CAPZB: variants seen among roughly 807,000 people sequenced by gnomAD.
CAPZB encodes the protein capping actin protein of muscle Z-line subunit beta, also known as F-actin-capping protein subunit beta.
Under a neutral mutation model 38.1 loss-of-function variants are expected in CAPZB, and 2 were observed. The ratio of observed to expected loss-of-function variants is 0.05; its 90% confidence interval spans 0.02 to 0.17. CAPZB has a LOEUF of 0.17. CAPZB is among the 10% of genes least tolerant of loss of function. The pLI is 1.00. For synonymous variants in CAPZB, 107 were observed against 127.4 expected, an observed-to-expected ratio of 0.84 and a Z score of 1.08; for missense variants, 161 against 334.2, an observed-to-expected ratio of 0.48 and a Z score of 4.04.
At chr1:19,420,075 C>T (rs2094395535) in intron 1 of CAPZB, 2 of 278,650 alleles carry the variant, frequency 7.2e-6, no homozygotes, top group Non-Finnish European at 1.4e-5. Flanking sequence ...GATGTCGTGC[C>T]CCCCAGTTGG....
intron 1 of CAPZB, among the ~76,000 whole-genome samples, chr1:19,475,677 G>C (rs1378564785): frequency 6.6e-6 from 1 of 152,230 alleles, no homozygotes; most frequent in Non-Finnish European, 1.5e-5. Flanking sequence ...TCTGGACATG[G>C]CTAGTCTCAC....
intron 1 of CAPZB, among the ~76,000 whole-genome samples, chr1:19,427,544 G>A (rs1298848804): frequency 6.6e-6 from 1 of 152,272 alleles, no homozygotes; most frequent in African/African-American, 2.4e-5. Context: ...CCCGGGAACA[G>A]TTTGTGCTGG....
chr1:19,341,533 C>A (rs1344929660), intron 8 of CAPZB, among the ~76,000 whole-genome samples: 2 of 152,132 alleles, frequency 1.3e-5, no homozygotes, highest in Non-Finnish European at 1.5e-5. Context: ...ATTTAAGGGA[C>A]AATGCTTGGG....
chr1:19,452,793 CTTTTTTTT>C (rs34430556), intron 1 of CAPZB, among the ~76,000 whole-genome samples: 3 of 118,432 alleles, frequency 2.5e-5, no homozygotes, highest in East Asian at 2.4e-4. Flanking sequence ...TAATTTCTTT[CTTTTTTTT>C]TTTTTTTTTT....
chr1:19,341,179 G>A (rs1201218698), intron 8 of CAPZB, among the ~76,000 whole-genome samples: 1 of 152,174 alleles, frequency 6.6e-6, no homozygotes, highest in Admixed American at 6.5e-5. Flanking sequence ...TTCATGCTGG[G>A]GAAATACACG....
chr1:19,423,096 T>C (rs1180690450), intron 1 of CAPZB, among the ~76,000 whole-genome samples: 2 of 152,180 alleles, frequency 1.3e-5, no homozygotes, highest in South Asian at 4.1e-4. Flanking sequence ...TTGACAGCAC[T>C]AGAATACTAC....
chr1:19,412,623 C>T (rs1269310909), intron 2 of CAPZB, among the ~76,000 whole-genome samples: 1 of 152,092 alleles, frequency 6.6e-6, no homozygotes, highest in Non-Finnish European at 1.5e-5. Flanking sequence ...CAATGCTCTC[C>T]TTGAGGCAGG....
At chr1:19,360,137 C>A (rs200224157) in intron 4 of CAPZB, among the ~76,000 whole-genome samples, 2 of 152,192 alleles carry the variant, frequency 1.3e-5, no homozygotes, top group Admixed American at 1.3e-4. Context: ...GCTCCGTGAG[C>A]CTTTCTGGCT....
At chr1:19,443,224 C>CAAA (rs60052942) in intron 1 of CAPZB, among the ~76,000 whole-genome samples, 1 of 138,846 alleles carries the variant, frequency 7.2e-6, no homozygotes, top group African/African-American at 2.7e-5. Flanking sequence ...CCCATCTCTA[C>CAAA]AAAAAAAAAA....
At chr1:19,365,522 T>G (rs2094078949) in intron 4 of CAPZB, among the ~76,000 whole-genome samples, 1 of 152,058 alleles carries the variant, frequency 6.6e-6, no homozygotes. Flanking sequence ...TTTTTTCATG[T>G]TGGAGTCAGT....
At chr1:19,417,787 C>T (rs1328805696) in intron 2 of CAPZB, among the ~76,000 whole-genome samples, 1 of 152,172 alleles carries the variant, frequency 6.6e-6, no homozygotes, top group Non-Finnish European at 1.5e-5. Context: ...TGCTCAGGCC[C>T]AGGTTCTACA....
intron 6 of CAPZB, among the ~76,000 whole-genome samples, chr1:19,347,207 GACA>G (rs564350577): frequency 1.6e-3 from 236 of 152,202 alleles, no homozygotes; most frequent in African/African-American, 5.4e-3. Flanking sequence ...AACTGATCCA[GACA>G]ACAATTTTTG....
At chr1:19,361,824 G>A (rs185054889) in intron 4 of CAPZB, among the ~76,000 whole-genome samples, 76 of 152,294 alleles carry the variant, frequency 5.0e-4, no homozygotes, top group African/African-American at 1.8e-3. Context: ...GCACATACAT[G>A]GAAGCAGTTT....
At chr1:19,449,783 CAA>C (rs66655807) in intron 1 of CAPZB, among the ~76,000 whole-genome samples, 900 of 87,842 alleles carry the variant, frequency 0.01, 4 homozygotes, top group African/African-American at 0.035. Context: ...GAGTCTGTCT[CAA>C]AAAAAAAAAA....
In CAPZB at chr1:19,416,275, G is replaced by A. The variant is rs139255915; in HGVS notation, c.93+3386C>T. On this transcript the variant is annotated intron_variant, in intron 2 of 8. Transcript: ENST00000264202. ...AGTTTCTCTCCCAACAGGCAAAACT[G>A]ACACAGCACATAGACACACCACATT... Among the ~76,000 whole-genome samples the A allele has an allele frequency of 8.3e-3, 1,258 of 152,262 alleles. 14 individuals carry two copies. The highest frequency in any genetic ancestry group is 0.027 in the African/African-American group (1,138 of 41,540).
At chr1:19,394,638 T>C (rs2094256088) in intron 2 of CAPZB, among the ~76,000 whole-genome samples, 1 of 152,030 alleles carries the variant, frequency 6.6e-6, no homozygotes, top group Non-Finnish European at 1.5e-5. Flanking sequence ...ATTGCTTGAA[T>C]CCAGGAGGCG....
At position 19,366,295 on chromosome 1, in the gene CAPZB, T is replaced by A. The variant is rs1373323447; in HGVS notation, c.330-8732A>T. Among the ~76,000 whole-genome samples the A allele has an allele frequency of 2.0e-3, 221 of 110,954 alleles. 2 individuals carry two copies. Among genetic ancestry groups the A allele is most frequent in the Non-Finnish European group, 3.3e-3 (186 of 56,140 alleles). 72.8% of individuals were successfully genotyped at this position (110,954 alleles called of 152,430 possible). A position where few individuals can be genotyped will look rare whatever the true frequency, so the allele number is the denominator to read the frequency against. On this transcript the variant is annotated intron_variant, in intron 4 of 8. Coordinates refer to ENST00000264202, the MANE Select transcript of CAPZB (RefSeq NM_004930.5). ...GACCGTGTCTTAAAATATATATATATATATATATATATATAAATAAAATAA... is the reference window on the plus strand; with the variant it reads ...GACCGTGTCTTAAAATATATATATAAATATATATATATATAAATAAAATAA...
intron 6 of CAPZB, among the ~76,000 whole-genome samples, chr1:19,352,546 C>G (rs933449938): frequency 6.6e-6 from 1 of 152,236 alleles, no homozygotes; most frequent in African/African-American, 2.4e-5. Context: ...GAACTTGGGG[C>G]TTGCAACCTT....
At chr1:19,411,981 A>G (rs1242594597) in intron 2 of CAPZB, among the ~76,000 whole-genome samples, 2 of 152,222 alleles carry the variant, frequency 1.3e-5, no homozygotes, top group Non-Finnish European at 2.9e-5. Flanking sequence ...CCCACCGTCC[A>G]GAGCATGCCT....
Sources: gnomAD v4.1 joint callset for allele counts (sites outside exome capture counted in the v4.1 genomes callset) on GRCh38, gnomAD v4.1.1 for gene constraint, MANE v1.5 for transcripts, NCBI Gene and HGNC (gene_info 2026-07-23, HGNC 2026-07-21) for gene names.